Variants in UBE3A observed in about 807,000 individuals in gnomAD.
The protein encoded by UBE3A is ubiquitin protein ligase E3A, also known as ubiquitin-protein ligase E3A.
Under a neutral mutation model 83.4 loss-of-function variants are expected in UBE3A, and 6 were observed. The ratio of observed to expected loss-of-function variants is 0.07; its 90% CI spans 0.04 to 0.14. The LOEUF (loss-of-function observed/expected upper bound fraction) is 0.14. Among genes scored for constraint, UBE3A ranks in the 10% least tolerant of loss-of-function variants. The probability of loss-of-function intolerance (pLI) is 1.00; values close to 1 mark genes in which losing one functional copy is unlikely to be tolerated. For synonymous variants in UBE3A, 337 were observed against 355.4 expected, an observed-to-expected ratio of 0.95 and a Z score of 0.58; for missense variants, 456 against 1,036.1, an observed-to-expected ratio of 0.44 and a Z score of 7.69.
At chr15:25,390,580 C>T (rs2084110870) in intron 4 of UBE3A, among the ~76,000 whole-genome samples, 1 of 151,894 alleles carries the variant, frequency 6.6e-6, no homozygotes, top group African/African-American at 2.4e-5. Context: ...CTGGAAAAGG[C>T]AAAGTTAGAG....
rs2083732475 is a variant in UBE3A, at chr15:25,389,123, C to T, written c.63-13360G>A. 2.6e-5 allele frequency among the ~76,000 whole-genome samples: 4 copies of T among 151,940 alleles called. No individual in the cohort carries two copies. The South Asian group carries it at 6.2e-4, about 24-fold the overall frequency. ...CAAAAGAACTGACAAAACAGACCAA[C>T]GAAACAGAATAGAGAGCCCAGAAAT... On this transcript the variant is annotated intron_variant, in intron 4 of 12. Coordinates refer to ENST00000648336, the MANE Select transcript of UBE3A (RefSeq NM_130839.5).
chr15:25,373,346 C>T (rs2080625278), intron 5 of UBE3A, among the ~76,000 whole-genome samples: 1 of 152,150 alleles, frequency 6.6e-6, no homozygotes, highest in South Asian at 2.1e-4. Flanking sequence ...AGTAATATGG[C>T]CTGTCCTAGG....
intron 6 of UBE3A, 115 bp from the exon 7 acceptor site, chr15:25,360,642 T>G: frequency 1.6e-6 from 2 of 1,221,048 alleles, no homozygotes; most frequent in Non-Finnish European, 2.3e-6. Context: ...ACTTTTTGTA[T>G]GTAAATGGAA....
rs898655998 is a variant in UBE3A at position 25,394,240 on chromosome 15, T to C, written c.62+11221A>G. The stretch of plus-strand genomic sequence containing the variant: ...TGTCGTATCCTCAGAACCTAGCAAA[T>C]TACAGAGTCTCAACAGAGATTTTTC... On this transcript the variant is annotated intron_variant, in intron 4 of 12. Coordinates refer to ENST00000648336, the MANE Select transcript of UBE3A (RefSeq NM_130839.5). Among the ~76,000 whole-genome samples the C allele has an allele frequency of 1.7e-4, 26 of 152,170 alleles. 1 individual carries two copies. Among genetic ancestry groups the C allele is most frequent in the Non-Finnish European group, 1.0e-4 (7 of 68,032 alleles).
chr15:25,340,265 C>T (rs1225742340), intron 11 of UBE3A, 37 bp from the exon 12 acceptor site: 19 of 1,604,472 alleles, frequency 1.2e-5, no homozygotes, highest in East Asian at 4.5e-5. Flanking sequence ...TTCAGTTTGG[C>T]ATTCATTATG....
chr15:25,418,040 A>C (rs577879410), intron 1 of UBE3A: 89 of 152,300 alleles, frequency 5.8e-4, no homozygotes, highest in African/African-American at 2.1e-3. Flanking sequence ...TACATGGTAT[A>C]GCCCGGGTGC....
At chr15:25,368,684 G>A (rs376404042) in intron 6 of UBE3A, among the ~76,000 whole-genome samples, 1 of 152,176 alleles carries the variant, frequency 6.6e-6, no homozygotes, top group East Asian at 1.9e-4. Flanking sequence ...CATAATTAAA[G>A]AGCTCACAGT....
rs1205665172 is a variant in UBE3A, at chr15:25,337,768, CTTAG to C, written c.*1365_*1368del. On this transcript the variant is annotated 3_prime_UTR_variant, in exon 13 of 13. Transcript: ENST00000648336. ...GCAAAAGGATATATCAATGTCTCAC[CTTAG>C]TTAAAAATACATAATCCTTTTATTT... is the stretch of plus-strand genomic sequence containing the variant. The C allele has an allele frequency of 2.0e-5, 3 of 152,016 alleles. No individual in the cohort carries two copies. The highest frequency in any genetic ancestry group is 2.4e-5 in the African/African-American group (1 of 41,392). The allele number at this position is 152,016 out of a possible 1,614,324, so 9.4% of individuals were successfully genotyped here.
intron 6 of UBE3A, among the ~76,000 whole-genome samples, chr15:25,367,203 T>TTGTAAATA (rs1335628620): frequency 1.6e-4 from 16 of 98,086 alleles, no homozygotes; most frequent in African/African-American, 3.5e-4. Context: ...ATTTACATAT[T>TTGTAAATA]TGTAAATATG....
chr15:25,392,252 T>C (rs1201518279), intron 4 of UBE3A, among the ~76,000 whole-genome samples: 1 of 152,206 alleles, frequency 6.6e-6, no homozygotes, highest in Admixed American at 6.5e-5. Flanking sequence ...CACTTTTCAC[T>C]ACTTATTTTA....
rs1167616430 is a variant in UBE3A, at chr15:25,338,750, A to ATATT, written c.*383_*386dup. 6.5e-6 allele frequency: 1 copy of ATATT among 153,022 alleles called. No homozygotes were observed. The highest frequency in any genetic ancestry group is 1.5e-5 in the Non-Finnish European group (1 of 68,718). The allele number at this position is 153,022 out of a possible 1,614,324, so 9.5% of individuals were successfully genotyped here. A position where few individuals can be genotyped will look rare whatever the true frequency, so the allele number is the denominator to read the frequency against. ...CTTGGGAGAGTAGTTCTGTTGGTAT[A>ATATT]TATTTTTTAAATACTCAAAAGGCTC... On this transcript the variant is annotated 3_prime_UTR_variant, in exon 13 of 13. Transcript: ENST00000648336.
chr15:25,339,453 A>G, intron 12 of UBE3A, 196 bp from the exon 13 acceptor site: 1 of 571,124 alleles, frequency 1.8e-6, no homozygotes, highest in Non-Finnish European at 2.9e-6. Flanking sequence ...AAAGCTAGTG[A>G]CGATGATAAG....
In UBE3A at chr15:25,371,859, A is replaced by G. The variant is rs1250034091; in HGVS notation, c.362-47T>C. 2 of 1,561,222 alleles carry G rather than the reference A, an allele frequency of 1.3e-6. No individual in the cohort carries two copies. The highest frequency in any genetic ancestry group is 1.7e-6 in the Non-Finnish European group (2 of 1,158,608). ...GAGAACATTTATTTTCATAATATGT[A>G]TGTTTACTCTGTTGCAAAAAGTTCT... is the stretch of plus-strand genomic sequence containing the variant. On this transcript the variant is annotated intron_variant, in intron 5 of 12. Transcript: ENST00000648336. The surrounding 1 kb of genome is among the most constrained non-coding windows in gnomAD (Gnocchi z 5.3).
At chr15:25,433,654 C>T (rs1176726604) in intron 1 of UBE3A, among the ~76,000 whole-genome samples, 3 of 152,100 alleles carry the variant, frequency 2.0e-5, no homozygotes, top group African/African-American at 7.2e-5. Flanking sequence ...ACCTCAAGAC[C>T]AAAAGACAGT....
At chr15:25,395,752 G>C (rs140973167) in intron 4 of UBE3A, among the ~76,000 whole-genome samples, 1 of 152,098 alleles carries the variant, frequency 6.6e-6, no homozygotes, top group African/African-American at 2.4e-5. Flanking sequence ...CAGAGTCCTG[G>C]GGCATTTCTG....
chr15:25,339,105 CTTTTTTTTGT>C lies in UBE3A; in HGVS notation c.*22_*31del. 2 of 1,440,480 alleles carry C rather than the reference CTTTTTTTTGT, an allele frequency of 1.4e-6. No individual in the cohort carries two copies. Among genetic ancestry groups the C allele is most frequent in the Non-Finnish European group, 1.8e-6 (2 of 1,088,584 alleles). The allele number at this position is 1,440,480 out of a possible 1,614,324, so 89.2% of individuals were successfully genotyped here. ...TAAATTTTTTCTTTTTTTTTCCTTCCTTTTTTTTGTTTTATTTTGTTTTGTTTTGTTTTAC... is the reference window on the plus strand; with the variant it reads ...TAAATTTTTTCTTTTTTTTTCCTTCCTTTATTTTGTTTTGTTTTGTTTTAC... On this transcript the variant is annotated 3_prime_UTR_variant, in exon 13 of 13. Coordinates refer to ENST00000648336, the MANE Select transcript of UBE3A (RefSeq NM_130839.5).
rs2080200235 is a variant in UBE3A at position 25,370,855 on chromosome 15, A to C, written c.1319T>G (p.Leu440Arg). The C allele has an allele frequency of 6.2e-7, 1 of 1,614,022 alleles. No individual in the cohort carries two copies. Among genetic ancestry groups the C allele is most frequent in the Admixed American group, 1.7e-5 (1 of 59,990 alleles). The change falls in exon 6 of 13, where the codon CTT (leucine) becomes CGT (arginine). Residue 440 changes from leucine (L) to arginine (R), a missense_variant. This residue lies in a region of UBE3A where 85 missense variants were observed against 137.0 expected (regional missense o/e 0.62). Transcript: ENST00000648336. The surrounding 1 kb of genome is among the most constrained non-coding windows in gnomAD (Gnocchi z 4.2). Reference sequence around the variant, plus strand: ...ATTAATAAACTCTTCAAAAGGGATAAGTGGTTTTCGACAATCCAGGGTTTT... The same window carrying C: ...ATTAATAAACTCTTCAAAAGGGATACGTGGTTTTCGACAATCCAGGGTTTT... ...GVKTLDCRKP[L>R]IPFEEFINEP...
chr15:25,379,606 A>G (rs2081830828), intron 4 of UBE3A, among the ~76,000 whole-genome samples: 1 of 152,128 alleles, frequency 6.6e-6, no homozygotes, highest in South Asian at 2.1e-4. Flanking sequence ...CTGCATCACT[A>G]TCTAATTTAG....
rs1555378278 is a variant in UBE3A, at chr15:25,338,163, G to GTAA, written c.*971_*973dup. 2 of 152,022 alleles carry GTAA rather than the reference G, an allele frequency of 1.3e-5. No individual in the cohort carries two copies. The highest frequency in any genetic ancestry group is 2.9e-5 in the Non-Finnish European group (2 of 67,968). The allele number at this position is 152,022 out of a possible 1,614,324, so 9.4% of individuals were successfully genotyped here. The stretch of plus-strand genomic sequence containing the variant: ...TTTGGATTGTCTATTTAAAATCTAG[G>GTAA]TAATAAGTAAGTAATTAATAAAAAC... On this transcript the variant is annotated 3_prime_UTR_variant, in exon 13 of 13. Coordinates refer to ENST00000648336, the MANE Select transcript of UBE3A (RefSeq NM_130839.5).
Sources: gnomAD v4.1 joint callset for allele counts (sites outside exome capture counted in the v4.1 genomes callset) on GRCh38, gnomAD v4.1.1 for gene constraint, gnomAD v4.1.1 regional missense constraint, Gnocchi (gnomAD v3.1) non-coding constraint, MANE v1.5 for transcripts, NCBI Gene and HGNC (gene_info 2026-07-23, HGNC 2026-07-21) for gene names.